Variants in UQCRC2 observed in about 807,000 individuals in gnomAD.
UQCRC2 encodes ubiquinol-cytochrome c reductase core protein 2, also known as cytochrome b-c1 complex subunit 2, mitochondrial.
UQCRC2 carries 49 observed loss-of-function variants against 55.6 expected under a neutral mutation model. The ratio of observed to expected loss-of-function variants is 0.88; its 90% CI spans 0.70 to 1.12. The LOEUF (loss-of-function observed/expected upper bound fraction) is 1.12, where lower values mean the gene tolerates loss of function less well. Among genes scored for constraint, UQCRC2 ranks in the 50% most tolerant of loss-of-function variants. UQCRC2 has a pLI of 0.00. For missense variants in UQCRC2, 506 were observed against 547.8 expected (o/e 0.92, Z 0.76); for synonymous variants, 193 against 192.0 (o/e 1.01, Z -0.04).
At chr16:21,953,949 T>G (rs1219890133) in intron 1 of UQCRC2, among the ~76,000 whole-genome samples, 2 of 152,152 alleles carry the variant, frequency 1.3e-5, no homozygotes, top group Non-Finnish European at 2.9e-5. Context: ...TACTATGGTG[T>G]CTTAGTAGTC....
At position 21,968,749 on chromosome 16, in the gene UQCRC2, T is replaced by C. The variant is rs1055480443; in HGVS notation, c.670+64T>C. 4 of 1,458,422 alleles carry C rather than the reference T, an allele frequency of 2.7e-6. No homozygotes were observed. The African/African-American group carries it at 5.7e-5, about 21-fold the overall frequency. 90.3% of individuals were successfully genotyped at this position (1,458,422 alleles called of 1,614,324 possible). On this transcript the variant is annotated intron_variant, in intron 8 of 13. Coordinates refer to ENST00000268379, the MANE Select transcript of UQCRC2 (RefSeq NM_003366.4). ...TTAAGAGCAGTTCCTTAAACTGTAA[T>C]TACGTGAACATAGGATTGAACAAAA...
intron 7 of UQCRC2, among the ~76,000 whole-genome samples, chr16:21,966,199 A>G (rs970714176): frequency 6.6e-6 from 1 of 152,040 alleles, no homozygotes; most frequent in Non-Finnish European, 1.5e-5. Flanking sequence ...TATATAAAAT[A>G]GGTCCTTTGA....
At chr16:21,976,037 G>A (rs112683497) in intron 11 of UQCRC2, 130 bp from the exon 12 acceptor site, 105 of 601,594 alleles carry the variant, frequency 1.7e-4, no homozygotes, top group African/African-American at 1.7e-3. Flanking sequence ...ACAGCATTCC[G>A]CATGGACACT....
At chr16:21,962,947 A>G in intron 6 of UQCRC2, 62 bp downstream of exon 6, 1 of 1,529,466 alleles carries the variant, frequency 6.5e-7, no homozygotes, top group Admixed American at 2.2e-5. Flanking sequence ...AGATCAATTT[A>G]TAGAAGAAAA....
chr16:21,978,503 G>A (rs1898638660), intron 12 of UQCRC2, among the ~76,000 whole-genome samples: 1 of 152,156 alleles, frequency 6.6e-6, no homozygotes, highest in Non-Finnish European at 1.5e-5. Flanking sequence ...TACAAGACCT[G>A]TACTGCCCTT....
rs1898107579 is a variant in UQCRC2 at position 21,957,488 on chromosome 16, G to T, written c.189G>T (p.Leu63Phe). The change falls in exon 3 of 14, where the codon TTG becomes TTT. Residue 63 changes from leucine (L) to phenylalanine (F), a missense_variant. Leu to Phe is a conservative substitution (Grantham distance 22). Coordinates refer to ENST00000268379, the MANE Select transcript of UQCRC2 (RefSeq NM_003366.4). ...ENYSPVSRIG[L>F]FIKAGSRYED... is the part of the protein sequence containing the mutation. ...ATTCTCCTGTATCAAGAATTGGTTT[G>T]TTCATTAAAGCAGGCAGTAGATATG... 6.2e-7 allele frequency: 1 copy of T among 1,614,130 alleles called. No homozygotes were observed. Among genetic ancestry groups the T allele is most frequent in the Non-Finnish European group, 8.5e-7 (1 of 1,180,020 alleles).
intron 13 of UQCRC2, among the ~76,000 whole-genome samples, chr16:21,982,030 C>T (rs957803738): frequency 3.3e-5 from 5 of 151,546 alleles, no homozygotes; most frequent in African/African-American, 7.3e-5. Flanking sequence ...TTAGTAGAGA[C>T]GGGGTTTTAC....
chr16:21,983,025 C>A (rs879083443), intron 13 of UQCRC2, 63 bp from the exon 14 acceptor site: 2 of 1,386,364 alleles, frequency 1.4e-6, no homozygotes, highest in Non-Finnish European at 1.0e-6. Context: ...AAAATAAGTT[C>A]GCCTGCTTGA....
At chr16:21,966,766 C>T (rs1898338799) in intron 7 of UQCRC2, among the ~76,000 whole-genome samples, 1 of 152,184 alleles carries the variant, frequency 6.6e-6, no homozygotes, top group African/African-American at 2.4e-5. Context: ...AATTCACCCT[C>T]ATGAAGATGT....
At chr16:21,964,176 C>A (rs936189832) in intron 6 of UQCRC2, among the ~76,000 whole-genome samples, 3 of 152,100 alleles carry the variant, frequency 2.0e-5, no homozygotes, top group African/African-American at 7.2e-5. Context: ...CACAGAGGAG[C>A]ATTATCTTTG....
chr16:21,964,404 A>G (rs1233371646), intron 6 of UQCRC2, among the ~76,000 whole-genome samples: 2 of 152,066 alleles, frequency 1.3e-5, no homozygotes, highest in Admixed American at 1.3e-4. Context: ...GATCCTTCTG[A>G]CGTGAAAGTA....
chr16:21,965,981 G>A (rs1597957293), intron 7 of UQCRC2, among the ~76,000 whole-genome samples: 1 of 152,034 alleles, frequency 6.6e-6, no homozygotes, highest in Non-Finnish European at 1.5e-5. Flanking sequence ...ATTGCACCCA[G>A]CCTGTGTATC....
intron 4 of UQCRC2, among the ~76,000 whole-genome samples, chr16:21,961,631 TATATATATATATATA>T: frequency 3.0e-5 from 1 of 33,126 alleles, no homozygotes. Flanking sequence ...AAAATTTATA[TATATATATATATATA>T]TATATATATA....
Position 21,971,579 on chromosome 16 carries a change from G to C in UQCRC2, c.725G>C (p.Gly242Ala). The change falls in exon 9 of 14, where the codon GGT (glycine) becomes GCT (alanine). Residue 242 changes from glycine (G) to alanine (A), a missense_variant. Coordinates refer to ENST00000268379, the MANE Select transcript of UQCRC2 (RefSeq NM_003366.4). Reference protein sequence around the residue: ...QVAEQFLNMRGGLGLSGAKAN... With the variant: ...QVAEQFLNMRAGLGLSGAKAN... ...GCTGAACAGTTTCTCAACATGAGGG[G>C]TGGGCTTGGTTTATCTGGTGCAAAG... 6.2e-7 allele frequency: 1 copy of C among 1,614,152 alleles called. No individual in the cohort carries two copies. Among genetic ancestry groups the C allele is most frequent in the Non-Finnish European group, 8.5e-7 (1 of 1,180,002 alleles).
At chr16:21,966,506 A>AG in intron 7 of UQCRC2, among the ~76,000 whole-genome samples, 1 of 152,224 alleles carries the variant, frequency 6.6e-6, no homozygotes, top group East Asian at 1.9e-4. Context: ...AAAAATTTGT[A>AG]ATTATCAACA....
chr16:21,953,678 A>G (rs1240479148), intron 1 of UQCRC2, among the ~76,000 whole-genome samples: 1 of 152,170 alleles, frequency 6.6e-6, no homozygotes, highest in Non-Finnish European at 1.5e-5. Context: ...AGAGAGGGGC[A>G]GGACGTGAGA....
rs551318071 is a variant in UQCRC2, at chr16:21,971,400, A to G, written c.671-125A>G. On this transcript the variant is annotated intron_variant, in intron 8 of 13. Transcript: ENST00000268379. ...TCTGGGAGAGTGGCATTATGGCAGG[A>G]AGACTCTTATTTATTTTGTAGTGTT... 4.8e-4 allele frequency: 357 copies of G among 741,708 alleles called. 1 individual carries two copies. Among genetic ancestry groups the G allele is most frequent in the East Asian group, 5.5e-5 (2 of 36,680 alleles). The allele number at this position is 741,708 out of a possible 1,614,324, so 45.9% of individuals were successfully genotyped here. A position where few individuals can be genotyped will look rare whatever the true frequency, so the allele number is the denominator to read the frequency against.
Position 21,983,360 on chromosome 16 carries a change from C to A in UQCRC2, c.*189C>A, listed in dbSNP as rs543763530. 5.7e-6 allele frequency: 3 copies of A among 530,032 alleles called. No homozygotes were observed. The highest frequency in any genetic ancestry group is 6.5e-6 in the Non-Finnish European group (2 of 306,106). 32.8% of individuals were successfully genotyped at this position (530,032 alleles called of 1,614,324 possible). A position where few individuals can be genotyped will look rare whatever the true frequency, so the allele number is the denominator to read the frequency against. On this transcript the variant is annotated 3_prime_UTR_variant, in exon 14 of 14. Coordinates refer to ENST00000268379, the MANE Select transcript of UQCRC2 (RefSeq NM_003366.4). ...ACATTCTGTTTAAGTGTTTTTCTTACGTTTTTCTCAATGAGTTAATCAACA... is the reference window on the plus strand; with the variant it reads ...ACATTCTGTTTAAGTGTTTTTCTTAAGTTTTTCTCAATGAGTTAATCAACA...
At chr16:21,972,155 C>A in intron 10 of UQCRC2, 33 bp downstream of exon 10, 4 of 1,586,126 alleles carry the variant, frequency 2.5e-6, no homozygotes, top group Non-Finnish European at 3.4e-6. Context: ...TCTCTTTTTG[C>A]TTTCAAAGGC....
Sources: gnomAD v4.1 joint callset for allele counts (sites outside exome capture counted in the v4.1 genomes callset) on GRCh38, gnomAD v4.1.1 for gene constraint, MANE v1.5 for transcripts, NCBI Gene and HGNC (gene_info 2026-07-23, HGNC 2026-07-21) for gene names.